The following CHD5 variants were observed in gnomAD, a reference collection of about 807,000 sequenced individuals.
CHD5 encodes the protein chromodomain helicase DNA binding protein 5.
CHD5 carries 69 observed loss-of-function variants against 230.3 expected under a neutral mutation model. The observed-to-expected ratio is 0.30, with a 90% CI of 0.25 to 0.37. The LOEUF is 0.37. CHD5 is among the 10% of genes least tolerant of loss of function. CHD5 has a pLI of 1.00. For synonymous variants in CHD5, 1,064 were observed against 1,065.9 expected (o/e 1.00, Z 0.03); for missense variants, 1,827 against 2,622.8 (o/e 0.70, Z 6.63).
intron 30 of CHD5, 99 bp downstream of exon 30, chr1:6,124,418 T>C: frequency 7.2e-7 from 1 of 1,396,788 alleles, no homozygotes; most frequent in Non-Finnish European, 1.0e-6. Context: ...CTGTGTGGCC[T>C]GAACCAGGCA....
intron 1 of CHD5, among the ~76,000 whole-genome samples, chr1:6,178,051 G>A (rs976634605): frequency 2.6e-5 from 4 of 152,218 alleles, no homozygotes; most frequent in African/African-American, 9.6e-5. Context: ...AGAGAAGCCA[G>A]GAGCCTGGAA....
chr1:6,142,067 G>A lies in CHD5; in HGVS notation c.2436+61C>T, dbSNP rs544218517. On this transcript the variant is annotated intron_variant, in intron 15 of 41. Coordinates refer to ENST00000262450, the MANE Select transcript of CHD5 (RefSeq NM_015557.3). This position sits in a 1 kb window ranked among gnomAD's most constrained non-coding sequence, Gnocchi z 5.2. ...GACCCCAAAGGAGTGCACGGCACCC[G>A]TGGTCCCTGAACTAGACCGGGGGCC... 5.7e-5 allele frequency: 84 copies of A among 1,477,980 alleles called. No homozygotes were observed. The African/African-American group carries it at 7.2e-4, about 13-fold the overall frequency. 91.6% of individuals were successfully genotyped at this position (1,477,980 alleles called of 1,614,324 possible).
chr1:6,145,776 C>T (rs1557552170), intron 11 of CHD5, among the ~76,000 whole-genome samples: 1 of 152,210 alleles, frequency 6.6e-6, no homozygotes, highest in Non-Finnish European at 1.5e-5. Flanking sequence ...TGTGCCTATT[C>T]TCACATCAGT....
chr1:6,112,333 G>A lies in CHD5; in HGVS notation c.5003-56C>T, dbSNP rs777864855. 3.0e-5 allele frequency: 48 copies of A among 1,596,526 alleles called. No homozygotes were observed. In the South Asian group the frequency reaches 4.2e-4, roughly 14 times the overall value. On this transcript the variant is annotated intron_variant, in intron 34 of 41. Coordinates refer to ENST00000262450, the MANE Select transcript of CHD5 (RefSeq NM_015557.3). Reference sequence around the variant, plus strand: ...ATCCATCCAAAAAGCAGTGCCCAGCGGCCTCTCTCTGCCAAGCACGGGGGA... The same window carrying A: ...ATCCATCCAAAAAGCAGTGCCCAGCAGCCTCTCTCTGCCAAGCACGGGGGA...
rs1025123715 is a variant in CHD5 at position 6,154,215 on chromosome 1, T to C, written c.745+445A>G. 6.6e-6 allele frequency among the ~76,000 whole-genome samples: 1 copy of C among 152,088 alleles called. No homozygotes were observed. Among genetic ancestry groups the C allele is most frequent in the East Asian group, 1.9e-4 (1 of 5,168 alleles). On this transcript the variant is annotated intron_variant, in intron 5 of 41. Transcript: ENST00000262450. This position sits in a 1 kb window ranked among gnomAD's most constrained non-coding sequence, Gnocchi z 7.0. ...AGAACAACCCTGCACACAGTGGGTA[T>C]GCAGACAAGAAGAAGAGACGGGCTC...
Position 6,146,894 on chromosome 1 carries a change from A to G in CHD5, c.1384-23T>C. On this transcript the variant is annotated intron_variant, in intron 9 of 41. Coordinates refer to ENST00000262450, the MANE Select transcript of CHD5 (RefSeq NM_015557.3). The surrounding 1 kb of genome is among the most constrained non-coding windows in gnomAD (Gnocchi z 5.1). ...GCACTGTGGACAGAGAAGGGTCCCC[A>G]AGGTGGGGCTCAGCTGCAGGGCCCC... The G allele has an allele frequency of 6.8e-7, 1 of 1,464,626 alleles. No individual in the cohort carries two copies. 90.7% of individuals were successfully genotyped at this position (1,464,626 alleles called of 1,614,324 possible). A position where few individuals can be genotyped will look rare whatever the true frequency, so the allele number is the denominator to read the frequency against.
intron 2 of CHD5, among the ~76,000 whole-genome samples, chr1:6,165,563 A>C (rs557091533): frequency 6.6e-6 from 1 of 152,058 alleles, no homozygotes; most frequent in African/African-American, 2.4e-5. Flanking sequence ...GAGCCCATGG[A>C]GCCCAGGTCT....
chr1:6,106,798 G>A lies in CHD5; in HGVS notation c.5579-19C>T. On this transcript the variant is annotated intron_variant, in intron 38 of 41. Coordinates refer to ENST00000262450, the MANE Select transcript of CHD5 (RefSeq NM_015557.3). ...TTCAGGACTGTGGTGGGAGGCGGAG[G>A]GATGGTAGGATGCAGGGATGGAGGG... The A allele has an allele frequency of 6.2e-7, 1 of 1,603,266 alleles. No homozygotes were observed. Among genetic ancestry groups the A allele is most frequent in the Non-Finnish European group, 8.5e-7 (1 of 1,175,862 alleles).
At chr1:6,151,369 G>T (rs1321364100) in intron 6 of CHD5, among the ~76,000 whole-genome samples, 1 of 152,162 alleles carries the variant, frequency 6.6e-6, no homozygotes, top group Non-Finnish European at 1.5e-5. Context: ...CTGCTCTCCA[G>T]CCTCAGACAC....
At chr1:6,108,663 A>AATGGAAGG (rs1475637642) in intron 38 of CHD5, among the ~76,000 whole-genome samples, 2 of 103,996 alleles carry the variant, frequency 1.9e-5, no homozygotes, top group Non-Finnish European at 4.0e-5. Context: ...ATGGAGGGAT[A>AATGGAAGG]ATGGAAGGAT....
At position 6,136,856 on chromosome 1, in the gene CHD5, G is replaced by A; in HGVS notation, c.2446C>T (p.Gln816Ter). 2 of 1,607,922 alleles carry A rather than the reference G, an allele frequency of 1.2e-6. No homozygotes were observed. The highest frequency in any genetic ancestry group is 1.7e-6 in the Non-Finnish European group (2 of 1,176,114). Residue 816 changes from glutamine to a stop codon, truncating the protein, a stop_gained, in exon 16 of 42, where the codon CAG becomes TAG. Coordinates refer to ENST00000262450, the MANE Select transcript of CHD5 (RefSeq NM_015557.3). LOFTEE classifies it high-confidence loss of function. ...GTGAGCAGCACGTGGAATTTGATCT[G>A]CACTTCTTTCTGGAGAAAAGAGGGG... ...KKVFRMKKEV[Q>*]IKFHVLLTSY...
rs114343740 is a variant in CHD5, at chr1:6,128,040, C to T, written c.3903+6G>A. 6,004 of 1,596,074 alleles carry T rather than the reference C, an allele frequency of 3.8e-3. 175 individuals are homozygous for T. In the African/African-American group the frequency reaches 0.066, roughly 18 times the overall value. ...CTGCGGATGGAGGGCGGGCCGGGGA[C>T]CTTACCACGCCGTCCTCCTCGCGCA... On this transcript the variant is annotated splice_donor_region_variant and intron_variant, in intron 25 of 41. Transcript: ENST00000262450. The surrounding 1 kb of genome is among the most constrained non-coding windows in gnomAD (Gnocchi z 7.8).
At chr1:6,174,695 G>GA (rs1667393045) in intron 1 of CHD5, among the ~76,000 whole-genome samples, 2 of 149,550 alleles carry the variant, frequency 1.3e-5, no homozygotes, top group African/African-American at 4.9e-5. Context: ...TGGTGGATGG[G>GA]TGGATGGATG....
intron 2 of CHD5, among the ~76,000 whole-genome samples, chr1:6,164,355 A>G (rs1667221029): frequency 1.3e-5 from 2 of 152,232 alleles, no homozygotes; most frequent in Non-Finnish European, 2.9e-5. Flanking sequence ...GTTATAATTT[A>G]GCACTGAATA....
intron 38 of CHD5, among the ~76,000 whole-genome samples, chr1:6,108,608 T>C (rs1362115151): frequency 7.3e-6 from 1 of 136,254 alleles, no homozygotes; most frequent in African/African-American, 2.8e-5. Context: ...GATGGAGGGA[T>C]GAAGGATGAC....
chr1:6,151,261 C>T, intron 6 of CHD5, 106 bp from the exon 7 acceptor site: 3 of 1,313,480 alleles, frequency 2.3e-6, no homozygotes, highest in Non-Finnish European at 3.0e-6. Context: ...TCTGGAGACA[C>T]AGTGCTCTCT....
At chr1:6,124,484 C>G (rs1360360091) in intron 30 of CHD5, 33 bp downstream of exon 30, 7 of 1,613,320 alleles carry the variant, frequency 4.3e-6, no homozygotes, top group Middle Eastern at 1.6e-4. Context: ...AGGCAGCCAC[C>G]AGGAAGGGCC....
Position 6,111,874 on chromosome 1 carries a change from G to A in CHD5, c.5150C>T (p.Thr1717Met), listed in dbSNP as rs1172404265. Reference protein sequence around the residue: ...IADGGFTELHTLWQNEERAAV... With the variant: ...IADGGFTELHMLWQNEERAAV... ...AGCCCGCTCCTCGTTCTGCCACAGC[G>A]TGTGCAACTCTGGGAAACAAGCCAA... The change falls in exon 36 of 42, where the codon ACG becomes ATG. Residue 1717 changes from threonine (T) to methionine (M), a missense_variant. Coordinates refer to ENST00000262450, the MANE Select transcript of CHD5 (RefSeq NM_015557.3). The A allele has an allele frequency of 1.2e-6, 2 of 1,613,170 alleles. No homozygotes were observed. Among genetic ancestry groups the A allele is most frequent in the South Asian group, 1.1e-5 (1 of 91,068 alleles).
intron 15 of CHD5, among the ~76,000 whole-genome samples, chr1:6,140,314 C>T (rs1332788673): frequency 2.6e-5 from 4 of 151,786 alleles, no homozygotes; most frequent in Non-Finnish European, 5.9e-5. Flanking sequence ...GCAGGAGAAT[C>T]GCTTGAACCT....
Sources: allele counts gnomAD v4.1 joint callset (sites outside exome capture counted in the v4.1 genomes callset), GRCh38; gene constraint gnomAD v4.1.1; non-coding constraint Gnocchi (gnomAD v3.1); transcripts MANE v1.5; gene names NCBI Gene and HGNC (gene_info 2026-07-23, HGNC 2026-07-21).